Variants in CACNA1D observed in about 807,000 individuals in gnomAD.
The protein encoded by CACNA1D is calcium voltage-gated channel subunit alpha1 D, also known as voltage-dependent L-type calcium channel subunit alpha-1D.
Under a neutral mutation model 257.1 loss-of-function variants are expected in CACNA1D, and 55 were observed. That is an observed-to-expected ratio of 0.21 (90% confidence interval 0.17 to 0.27). CACNA1D has a LOEUF of 0.27. Among genes scored for constraint, CACNA1D ranks in the 10% least tolerant of loss-of-function variants. CACNA1D has a pLI of 1.00. For synonymous variants in CACNA1D, 980 were observed against 1,014.9 expected, an observed-to-expected ratio of 0.97 and a Z score of 0.65; for missense variants, 1,876 against 2,784.0, an observed-to-expected ratio of 0.67 and a Z score of 7.34.
chr3:53,562,861 C>T (rs1353356639), intron 3 of CACNA1D, among the ~76,000 whole-genome samples: 4 of 152,128 alleles, frequency 2.6e-5, no homozygotes, highest in African/African-American at 9.7e-5. Flanking sequence ...CCACAATAAC[C>T]CTGGAAAGTA....
intron 3 of CACNA1D, among the ~76,000 whole-genome samples, chr3:53,524,552 TTAG>T (rs1316462739): frequency 6.6e-6 from 1 of 152,174 alleles, no homozygotes. Flanking sequence ...CACTTTTAAG[TTAG>T]TAGGAACAGG....
At chr3:53,636,698 CAAA>C (rs1037874913) in intron 3 of CACNA1D, among the ~76,000 whole-genome samples, 1 of 152,224 alleles carries the variant, frequency 6.6e-6, no homozygotes, top group African/African-American at 2.4e-5. Context: ...TTGCTGGATA[CAAA>C]GCACTGAATT....
At chr3:53,694,305 T>TGGG in intron 8 of CACNA1D, among the ~76,000 whole-genome samples, 1 of 152,138 alleles carries the variant, frequency 6.6e-6, no homozygotes, top group South Asian at 2.1e-4. Context: ...GCTTACTGAG[T>TGGG]GGGAGTGAGG....
chr3:53,555,460 G>GTGTGTTT (rs1553725643), intron 3 of CACNA1D, among the ~76,000 whole-genome samples: 2 of 78,386 alleles, frequency 2.6e-5, no homozygotes, highest in South Asian at 4.8e-4. Context: ...GTGTGTGTGT[G>GTGTGTTT]TTTTTTTTTT....
In CACNA1D at chr3:53,691,850, T is replaced by C. The variant is rs1361045675; in HGVS notation, c.1221-10791T>C. Among the ~76,000 whole-genome samples the C allele has an allele frequency of 3.5e-3, 379 of 109,018 alleles. 2 individuals carry two copies. Among genetic ancestry groups the C allele is most frequent in the Non-Finnish European group, 5.3e-3 (291 of 54,968 alleles). The allele number at this position is 109,018 out of a possible 152,430, so 71.5% of individuals were successfully genotyped here. Reference sequence around the variant, plus strand: ...TCTATAATATATATTACATATATAATATATAATATATATTATATATATTAC... The same window carrying C: ...TCTATAATATATATTACATATATAACATATAATATATATTATATATATTAC... On this transcript the variant is annotated intron_variant, in intron 8 of 47. Transcript: ENST00000350061.
chr3:53,723,299 G>A lies in CACNA1D; in HGVS notation c.1667-135G>A. 2 of 737,906 alleles carry A rather than the reference G, an allele frequency of 2.7e-6. No individual in the cohort carries two copies. The highest frequency in any genetic ancestry group is 1.4e-5 in the South Asian group (1 of 69,844). 45.7% of individuals were successfully genotyped at this position (737,906 alleles called of 1,614,324 possible). A position where few individuals can be genotyped will look rare whatever the true frequency, so the allele number is the denominator to read the frequency against. On this transcript the variant is annotated intron_variant, in intron 12 of 47. Coordinates refer to ENST00000350061, the MANE Select transcript of CACNA1D (RefSeq NM_001128840.3). The surrounding 1 kb of genome is among the most constrained non-coding windows in gnomAD (Gnocchi z 5.6). ...CGCGAAGGCCACGTTTCTGTCCTGA[G>A]TGAGGTAGTGAAGAGAGAGACAAGG...
rs777705703 is a variant in CACNA1D, at chr3:53,594,417, C to T, written c.484-56362C>T. Reference sequence around the variant, plus strand: ...TTCAGTCCCTTCAGCAAGTGTTTGTCGAGCACTTACTAGATAGCAGGTACT... The same window carrying T: ...TTCAGTCCCTTCAGCAAGTGTTTGTTGAGCACTTACTAGATAGCAGGTACT... On this transcript the variant is annotated intron_variant, in intron 3 of 47. Coordinates refer to ENST00000350061, the MANE Select transcript of CACNA1D (RefSeq NM_001128840.3). 4.6e-5 allele frequency among the ~76,000 whole-genome samples: 7 copies of T among 151,762 alleles called. No individual in the cohort carries two copies. The South Asian group carries it at 1.0e-3, about 23-fold the overall frequency.
intron 3 of CACNA1D, among the ~76,000 whole-genome samples, chr3:53,513,313 GC>G (rs1400818974): frequency 6.6e-6 from 1 of 152,160 alleles, no homozygotes; most frequent in Non-Finnish European, 1.5e-5. Flanking sequence ...TAGTCATTGT[GC>G]CTTTGTAACA....
chr3:53,734,491 AATAC>A (rs960310474), intron 19 of CACNA1D, among the ~76,000 whole-genome samples: 33 of 152,186 alleles, frequency 2.2e-4, no homozygotes, highest in African/African-American at 5.1e-4. Flanking sequence ...TACATACATA[AATAC>A]ATACATGTGT....
At position 53,758,796 on chromosome 3, in the gene CACNA1D, A is replaced by G. The variant is rs996072978; in HGVS notation, c.3787-3202A>G. 2.2e-4 allele frequency among the ~76,000 whole-genome samples: 34 copies of G among 152,312 alleles called. 1 individual carries two copies. In the South Asian group the frequency reaches 5.0e-3, roughly 22 times the overall value. On this transcript the variant is annotated intron_variant, in intron 29 of 47. Coordinates refer to ENST00000350061, the MANE Select transcript of CACNA1D (RefSeq NM_001128840.3). ...CCTCAGAATTCAGTTGTAGGAGAAC[A>G]CATCATCATAGGCCAAGAGGAGAGA...
chr3:53,763,506 G>A (rs560110947), intron 30 of CACNA1D, among the ~76,000 whole-genome samples: 23 of 152,256 alleles, frequency 1.5e-4, no homozygotes, highest in Non-Finnish European at 2.5e-4. Flanking sequence ...CTTAGTGGGC[G>A]TCCAGTGTGT....
At chr3:53,802,440 G>C (rs554074981) in intron 43 of CACNA1D, among the ~76,000 whole-genome samples, 1 of 152,222 alleles carries the variant, frequency 6.6e-6, no homozygotes, top group Non-Finnish European at 1.5e-5. Flanking sequence ...CAGGCCTCGC[G>C]ATGGCACTAG....
chr3:53,509,798 TG>T (rs2091031194), intron 3 of CACNA1D, among the ~76,000 whole-genome samples: 1 of 152,248 alleles, frequency 6.6e-6, no homozygotes, highest in Non-Finnish European at 1.5e-5. Context: ...GCTCATCTTC[TG>T]AGGGCTGACG....
chr3:53,535,497 TG>T (rs1254083068), intron 3 of CACNA1D, among the ~76,000 whole-genome samples: 1 of 152,220 alleles, frequency 6.6e-6, no homozygotes. Context: ...GAATATTGAC[TG>T]GCAGGCTTTA....
intron 3 of CACNA1D, among the ~76,000 whole-genome samples, chr3:53,604,779 C>A (rs1474025866): frequency 2.6e-5 from 4 of 152,184 alleles, no homozygotes; most frequent in Admixed American, 6.5e-5. Flanking sequence ...GACTCTGACC[C>A]TCTACCAGGG....
At position 53,789,045 on chromosome 3, in the gene CACNA1D, TGAA is replaced by T. The variant is rs1444031267; in HGVS notation, c.4923+2095_4923+2097del. On this transcript the variant is annotated intron_variant, in intron 40 of 47. Coordinates refer to ENST00000350061, the MANE Select transcript of CACNA1D (RefSeq NM_001128840.3). The surrounding 1 kb of genome is among the most constrained non-coding windows in gnomAD (Gnocchi z 4.2). Reference sequence around the variant, plus strand: ...GTATGGGGTTTACTGAGTCTTAAGTTGAAGGGTCAAATGGCATGAATGATACAG... The same window carrying T: ...GTATGGGGTTTACTGAGTCTTAAGTTGGGTCAAATGGCATGAATGATACAG... 6.6e-6 allele frequency among the ~76,000 whole-genome samples: 1 copy of T among 152,220 alleles called. No homozygotes were observed. Among genetic ancestry groups the T allele is most frequent in the African/African-American group, 2.4e-5 (1 of 41,462 alleles).
rs187711441 is a variant in CACNA1D, at chr3:53,697,556, A to T, written c.1221-5085A>T. On this transcript the variant is annotated intron_variant, in intron 8 of 47. Transcript: ENST00000350061. ...GGAGTTATATCTTCTAAGCATTCAA[A>T]TTTTTTTCTATTTGGAAATAATTTC... Among the ~76,000 whole-genome samples, 688 of 152,232 alleles carry T rather than the reference A, an allele frequency of 4.5e-3. 7 individuals are homozygous for T. Among genetic ancestry groups the T allele is most frequent in the African/African-American group, 0.016 (663 of 41,528 alleles).
chr3:53,512,245 A>C (rs1324843986), intron 3 of CACNA1D, among the ~76,000 whole-genome samples: 2 of 152,196 alleles, frequency 1.3e-5, no homozygotes, highest in Non-Finnish European at 2.9e-5. Context: ...AAACATCCAA[A>C]ATTCTAAATT....
At chr3:53,738,267 C>A (rs192976508) in intron 20 of CACNA1D, among the ~76,000 whole-genome samples, 1 of 152,312 alleles carries the variant, frequency 6.6e-6, no homozygotes, top group Admixed American at 6.5e-5. Context: ...ATTTCTGGAG[C>A]CTGGCAAGCC....
Sources: allele counts gnomAD v4.1 joint callset (sites outside exome capture counted in the v4.1 genomes callset), GRCh38; gene constraint gnomAD v4.1.1; non-coding constraint Gnocchi (gnomAD v3.1); transcripts MANE v1.5; gene names NCBI Gene and HGNC (gene_info 2026-07-23, HGNC 2026-07-21).